Variants in ATRN observed in about 807,000 individuals in gnomAD.
The protein encoded by ATRN is attractin-2.
Under a neutral mutation model 178.7 loss-of-function variants are expected in ATRN, and 54 were observed. That is an observed-to-expected ratio of 0.30 (90% CI 0.24 to 0.38). The LOEUF is 0.38. Among genes scored for constraint, ATRN ranks in the 10% least tolerant of loss-of-function variants. The pLI is 1.00. For synonymous variants in ATRN, 636 were observed against 663.0 expected (o/e 0.96, Z 0.63); for missense variants, 1,443 against 1,815.1 (o/e 0.79, Z 3.73).
At chr20:3,510,770 A>G (rs1232652222) in intron 1 of ATRN, among the ~76,000 whole-genome samples, 3 of 151,880 alleles carry the variant, frequency 2.0e-5, no homozygotes, top group Admixed American at 2.0e-4. Flanking sequence ...TCCACTATAT[A>G]ATTACTATTT....
chr20:3,597,492 G>A (rs1004812782), intron 21 of ATRN, among the ~76,000 whole-genome samples: 2 of 152,092 alleles, frequency 1.3e-5, no homozygotes, highest in South Asian at 2.1e-4. Flanking sequence ...AGAATCCAAC[G>A]CTAATGCCAT....
intron 1 of ATRN, among the ~76,000 whole-genome samples, chr20:3,497,162 T>C (rs2084891589): frequency 6.7e-6 from 1 of 148,590 alleles, no homozygotes; most frequent in African/African-American, 2.5e-5. Flanking sequence ...TCCATTTACA[T>C]TTAAAGTTAA....
intron 6 of ATRN, among the ~76,000 whole-genome samples, chr20:3,553,854 G>A (rs1384079643): frequency 2.0e-5 from 3 of 152,080 alleles, no homozygotes; most frequent in Non-Finnish European, 1.5e-5. Flanking sequence ...ATTTCTCCCT[G>A]TTCTTTTTTA....
chr20:3,560,539 C>G, intron 7 of ATRN, 123 bp from the exon 8 acceptor site: 1 of 807,350 alleles, frequency 1.2e-6, no homozygotes, highest in Non-Finnish European at 1.9e-6. Flanking sequence ...TAGGGTAGTT[C>G]TATTTTTAGT....
At chr20:3,582,064 A>G in intron 15 of ATRN, 71 bp from the exon 16 acceptor site, 4 of 1,342,336 alleles carry the variant, frequency 3.0e-6, no homozygotes, top group Non-Finnish European at 4.2e-6. Context: ...ACATGGCAAG[A>G]CTCCATCTCC....
chr20:3,584,783 G>T lies in ATRN; in HGVS notation c.3087G>T (p.Ser1029=). 1 of 1,614,088 alleles carries T rather than the reference G, an allele frequency of 6.2e-7. No individual in the cohort carries two copies. Among genetic ancestry groups the T allele is most frequent in the African/African-American group, 1.3e-5 (1 of 75,020 alleles). The change falls in exon 18 of 29, where the codon TCG becomes TCT. Residue 1029 remains serine, a synonymous_variant. Transcript: ENST00000262919. The stretch of plus-strand genomic sequence containing the variant: ...ATAAAGGACCAGTGAAGATGCCTTC[G>T]CAAGCCCCTACAGGAAATTTCTATC... ...GSYKGPVKMP[S]QAPTGNFYPQ...
intron 6 of ATRN, among the ~76,000 whole-genome samples, chr20:3,555,757 A>T (rs929726509): frequency 6.6e-6 from 1 of 152,220 alleles, no homozygotes; most frequent in African/African-American, 2.4e-5. Flanking sequence ...GAAATCACCC[A>T]CACTTTGCAA....
Position 3,559,500 on chromosome 20 carries a change from CTG to C in ATRN, c.1203+20_1203+21del. 6.3e-7 allele frequency: 1 copy of C among 1,584,290 alleles called. No homozygotes were observed. The highest frequency in any genetic ancestry group is 8.7e-7 in the Non-Finnish European group (1 of 1,153,442). The stretch of plus-strand genomic sequence containing the variant: ...TTATACAAGGTAAAGCATCTCCACT[CTG>C]TGCTAAGCAAGAAACTAAGTTTTCC... On this transcript the variant is annotated intron_variant, in intron 7 of 28. Coordinates refer to ENST00000262919, the MANE Select transcript of ATRN (RefSeq NM_139321.3).
intron 1 of ATRN, among the ~76,000 whole-genome samples, chr20:3,530,391 G>C (rs2085436671): frequency 6.7e-6 from 1 of 150,372 alleles, no homozygotes; most frequent in Admixed American, 6.6e-5. Flanking sequence ...AGCCTCCCGA[G>C]TAGCTGGGAT....
intron 1 of ATRN, among the ~76,000 whole-genome samples, chr20:3,506,904 T>C (rs2085052289): frequency 6.6e-6 from 1 of 151,986 alleles, no homozygotes; most frequent in Non-Finnish European, 1.5e-5. Flanking sequence ...AAACTAGAAA[T>C]ACAATAATTG....
intron 26 of ATRN, among the ~76,000 whole-genome samples, chr20:3,637,616 G>GC (rs2087035505): frequency 1.3e-5 from 2 of 152,184 alleles, no homozygotes; most frequent in African/African-American, 4.8e-5. Flanking sequence ...CAAAGCTTCA[G>GC]CATCATGCCC....
intron 1 of ATRN, among the ~76,000 whole-genome samples, chr20:3,472,518 C>T (rs2084446446): frequency 6.6e-6 from 1 of 152,084 alleles, no homozygotes; most frequent in Non-Finnish European, 1.5e-5. Context: ...GCAACAGGCA[C>T]TTAACAAGTA....
chr20:3,550,836 G>C (rs1326075027), intron 6 of ATRN, among the ~76,000 whole-genome samples: 1 of 152,130 alleles, frequency 6.6e-6, no homozygotes, highest in Non-Finnish European at 1.5e-5. Flanking sequence ...TTTCTTGGCT[G>C]GACAACCCAG....
chr20:3,612,473 G>T (rs1283441441), intron 24 of ATRN, among the ~76,000 whole-genome samples: 1 of 152,110 alleles, frequency 6.6e-6, no homozygotes, highest in Non-Finnish European at 1.5e-5. Flanking sequence ...GATACAGAGC[G>T]TGCCCATCAA....
intron 20 of ATRN, 71 bp from the exon 21 acceptor site, chr20:3,596,306 C>A: frequency 7.1e-7 from 1 of 1,412,860 alleles, no homozygotes. Context: ...ATAAAAGGAT[C>A]TGTTTGGTTT....
At chr20:3,603,697 C>T (rs1353590247) in intron 23 of ATRN, among the ~76,000 whole-genome samples, 1 of 152,186 alleles carries the variant, frequency 6.6e-6, no homozygotes, top group East Asian at 1.9e-4. Context: ...CCATGTTTGT[C>T]AGGCTGGTCT....
intron 2 of ATRN, 110 bp from the exon 3 acceptor site, chr20:3,540,112 T>A: frequency 1.7e-6 from 1 of 579,668 alleles, no homozygotes. Flanking sequence ...GGTGGGGCAG[T>A]TGTTAGACTG....
At chr20:3,562,051 C>G (rs1359347058) in intron 8 of ATRN, among the ~76,000 whole-genome samples, 1 of 152,146 alleles carries the variant, frequency 6.6e-6, no homozygotes, top group African/African-American at 2.4e-5. Context: ...TTAGTTAATT[C>G]TTTTCCTACA....
intron 25 of ATRN, among the ~76,000 whole-genome samples, chr20:3,628,331 A>G (rs1048637237): frequency 1.3e-5 from 2 of 152,226 alleles, no homozygotes; most frequent in Non-Finnish European, 2.9e-5. Context: ...GTCAACAGCA[A>G]ACCACTTTCT....
Sources: gnomAD v4.1 joint callset for allele counts (sites outside exome capture counted in the v4.1 genomes callset) on GRCh38, gnomAD v4.1.1 for gene constraint, MANE v1.5 for transcripts, NCBI Gene and HGNC (gene_info 2026-07-23, HGNC 2026-07-21) for gene names.